INSYN2B: variants seen among roughly 807,000 people sequenced by gnomAD.
INSYN2B encodes the protein inhibitory synaptic factor family member 2B, also known as protein INSYN2B.
A neutral mutation model predicts 41.2 loss-of-function variants in INSYN2B; 16 were observed. That is an observed-to-expected ratio of 0.39 (90% CI 0.26 to 0.59). The LOEUF is 0.59. INSYN2B is among the 20% of genes least tolerant of loss of function. The probability of loss-of-function intolerance (pLI) is 0.57; values close to 1 mark genes in which losing one functional copy is unlikely to be tolerated. For synonymous variants in INSYN2B, 245 were observed against 244.4 expected (o/e 1.00, Z -0.02); for missense variants, 608 against 646.4 (o/e 0.94, Z 0.64).
At chr5:169,927,655 C>T (rs1244322021) in intron 1 of INSYN2B, among the ~76,000 whole-genome samples, 4 of 152,206 alleles carry the variant, frequency 2.6e-5, no homozygotes, top group East Asian at 3.9e-4. Context: ...CTCGCTCTGT[C>T]GCCCAGGCTG....
intron 1 of INSYN2B, among the ~76,000 whole-genome samples, chr5:169,968,855 C>T (rs944399466): frequency 1.5e-4 from 23 of 152,054 alleles, no homozygotes; most frequent in African/African-American, 2.9e-4. Context: ...GAAGGCTTCC[C>T]GGGAGAAGAA....
At chr5:169,970,314 T>C (rs1375469627) in intron 1 of INSYN2B, among the ~76,000 whole-genome samples, 1 of 152,256 alleles carries the variant, frequency 6.6e-6, no homozygotes, top group African/African-American at 2.4e-5. Context: ...CAAACCTGGA[T>C]ACCTATTTGG....
chr5:169,976,746 G>A (rs1416733784), intron 1 of INSYN2B, among the ~76,000 whole-genome samples: 1 of 152,190 alleles, frequency 6.6e-6, no homozygotes, highest in Non-Finnish European at 1.5e-5. Context: ...CTGGCCCCTT[G>A]TCTGTGCTTA....
chr5:169,950,480 G>A (rs1776615708), intron 1 of INSYN2B, among the ~76,000 whole-genome samples: 1 of 152,180 alleles, frequency 6.6e-6, no homozygotes, highest in Non-Finnish European at 1.5e-5. Context: ...ATCACTGTGT[G>A]AACCAGGGTT....
intron 1 of INSYN2B, among the ~76,000 whole-genome samples, chr5:169,971,728 A>G (rs986661761): frequency 2.0e-5 from 3 of 152,230 alleles, no homozygotes; most frequent in African/African-American, 7.2e-5. Context: ...GCCTGAAGGC[A>G]ACACAGTAGG....
chr5:169,957,016 T>C (rs886968859), intron 1 of INSYN2B, among the ~76,000 whole-genome samples: 25 of 152,082 alleles, frequency 1.6e-4, no homozygotes, highest in African/African-American at 6.0e-4. Context: ...ATCATTGTTC[T>C]GGAGAGTTTA....
intron 1 of INSYN2B, among the ~76,000 whole-genome samples, chr5:169,946,134 G>A (rs1394582142): frequency 6.6e-6 from 1 of 152,222 alleles, no homozygotes; most frequent in Non-Finnish European, 1.5e-5. Flanking sequence ...ATATGAGGAA[G>A]GAGTGATCTA....
At chr5:169,933,426 TG>T (rs1266756527) in intron 1 of INSYN2B, among the ~76,000 whole-genome samples, 2 of 152,150 alleles carry the variant, frequency 1.3e-5, no homozygotes, top group Non-Finnish European at 2.9e-5. Flanking sequence ...AGATTGAGAG[TG>T]GCTGCTATAG....
chr5:169,962,473 G>A (rs1056648167), intron 1 of INSYN2B, among the ~76,000 whole-genome samples: 2 of 152,168 alleles, frequency 1.3e-5, no homozygotes, highest in African/African-American at 4.8e-5. Flanking sequence ...AAGGTGTGAA[G>A]ATGAAGAATT....
chr5:169,883,150 A>G lies in INSYN2B; in HGVS notation c.749T>C (p.Leu250Pro), dbSNP rs1167346897. Residue 250 changes from leucine (L) to proline (P), a missense_variant, in exon 2 of 4, where the codon CTA becomes CCA. By Grantham distance (98) the Leu-to-Pro change is moderately conservative (BLOSUM62 -3). Coordinates refer to ENST00000377365, the MANE Select transcript of INSYN2B (RefSeq NM_001129891.3). ...GCAGGAGGTGGATTTTTCTGAATCT[A>G]GTGGAGTCACCCTTCTCCCATCACC... ...RPGDGRRVTP[L>P]DSEKSTSCLN... 2.6e-6 allele frequency: 4 copies of G among 1,551,582 alleles called. No homozygotes were observed. Among genetic ancestry groups the G allele is most frequent in the Non-Finnish European group, 3.5e-6 (4 of 1,146,928 alleles).
chr5:169,972,861 T>C (rs1182381871), intron 1 of INSYN2B, among the ~76,000 whole-genome samples: 1 of 152,134 alleles, frequency 6.6e-6, no homozygotes, highest in African/African-American at 2.4e-5. Context: ...ACTGCGGAAT[T>C]GAGCAATGCA....
At chr5:169,933,601 T>C (rs935773597) in intron 1 of INSYN2B, among the ~76,000 whole-genome samples, 1 of 152,224 alleles carries the variant, frequency 6.6e-6, no homozygotes, top group Non-Finnish European at 1.5e-5. Flanking sequence ...GTCCAGCTCC[T>C]TCCCTTTTCT....
At chr5:169,930,160 T>G (rs1020684250) in intron 1 of INSYN2B, among the ~76,000 whole-genome samples, 9 of 152,062 alleles carry the variant, frequency 5.9e-5, no homozygotes, top group African/African-American at 2.2e-4. Flanking sequence ...CCAGCTAATT[T>G]TTTGCATTTT....
At chr5:169,956,783 A>G (rs1309522056) in intron 1 of INSYN2B, among the ~76,000 whole-genome samples, 1 of 152,154 alleles carries the variant, frequency 6.6e-6, no homozygotes, top group Non-Finnish European at 1.5e-5. Flanking sequence ...AAAAGTTCAA[A>G]TGTAATCTTT....
chr5:169,892,777 G>A (rs1773371485), intron 1 of INSYN2B, among the ~76,000 whole-genome samples: 1 of 152,156 alleles, frequency 6.6e-6, no homozygotes, highest in Non-Finnish European at 1.5e-5. Flanking sequence ...GGACAGTAGA[G>A]TGAACATAAC....
chr5:169,959,123 T>A (rs1381923837), intron 1 of INSYN2B, among the ~76,000 whole-genome samples: 2 of 151,650 alleles, frequency 1.3e-5, no homozygotes, highest in African/African-American at 2.4e-5. Context: ...CTGGGCATGG[T>A]GGCTCATGCC....
chr5:169,978,385 GT>G (rs1777796943), intron 1 of INSYN2B, among the ~76,000 whole-genome samples: 6 of 60,580 alleles, frequency 9.9e-5, no homozygotes, highest in Non-Finnish European at 2.2e-4. Context: ...ATGTGTGTGT[GT>G]GTGTGTGGGG....
At chr5:169,974,085 G>T (rs2112647) in intron 1 of INSYN2B, among the ~76,000 whole-genome samples, 38,562 of 152,078 alleles carry the variant, frequency 0.25, 5,274 homozygotes, top group Non-Finnish European at 0.31. Flanking sequence ...TCATACCATG[G>T]TTGCAAAAAT....
intron 1 of INSYN2B, among the ~76,000 whole-genome samples, chr5:169,958,670 C>T (rs1028042300): frequency 2.0e-5 from 3 of 151,728 alleles, no homozygotes; most frequent in African/African-American, 7.3e-5. Context: ...GAGTGTTAGG[C>T]GTGGAGCTCT....
Sources: allele counts gnomAD v4.1 joint callset (sites outside exome capture counted in the v4.1 genomes callset), GRCh38; gene constraint gnomAD v4.1.1; transcripts MANE v1.5; gene names NCBI Gene and HGNC (gene_info 2026-07-23, HGNC 2026-07-21).